The following LEO1 variants were observed in gnomAD, a reference collection of about 807,000 sequenced individuals.
LEO1 encodes the protein LEO1 component of Paf1/RNA polymerase II complex.
Under a neutral mutation model 80.4 loss-of-function variants are expected in LEO1, and 34 were observed. That is an observed-to-expected ratio of 0.42 (90% CI 0.32 to 0.56). The LOEUF is 0.56. Ranked by LOEUF, LEO1 falls within the 20% of genes least tolerant of loss-of-function variation. LEO1 has a pLI of 0.10. For synonymous variants in LEO1, 262 were observed against 274.9 expected, an observed-to-expected ratio of 0.95 and a Z score of 0.46; for missense variants, 631 against 814.2, an observed-to-expected ratio of 0.77 and a Z score of 2.74.
chr15:51,957,842 G>A (rs767945805), intron 6 of LEO1, among the ~76,000 whole-genome samples: 16 of 151,998 alleles, frequency 1.1e-4, no homozygotes, highest in Admixed American at 1.3e-4. Flanking sequence ...CCAACATCGT[G>A]AAACCCTGTC....
chr15:51,961,883 T>C (rs1305991932), intron 3 of LEO1, among the ~76,000 whole-genome samples: 1 of 150,720 alleles, frequency 6.6e-6, no homozygotes, highest in Non-Finnish European at 1.5e-5. Flanking sequence ...ATAAACAGAC[T>C]GGGCGCAGTG....
In LEO1 at chr15:51,969,794, T is replaced by C. The variant is rs906031137; in HGVS notation, c.58+1894A>G. Among the ~76,000 whole-genome samples, 4 of 140,230 alleles carry C rather than the reference T, an allele frequency of 2.9e-5. No homozygotes were observed. The East Asian group carries it at 6.2e-4, about 22-fold the overall frequency. 92.0% of individuals were successfully genotyped at this position (140,230 alleles called of 152,430 possible). A position where few individuals can be genotyped will look rare whatever the true frequency, so the allele number is the denominator to read the frequency against. Reference sequence around the variant, plus strand: ...AGGCGGAGGTTGCAGTGAGCCAAGATTGTACCACTGCACTGCAGCCTGGGA... The same window carrying C: ...AGGCGGAGGTTGCAGTGAGCCAAGACTGTACCACTGCACTGCAGCCTGGGA... On this transcript the variant is annotated intron_variant, in intron 1 of 11. Coordinates refer to ENST00000299601, the MANE Select transcript of LEO1 (RefSeq NM_138792.4).
intron 2 of LEO1, among the ~76,000 whole-genome samples, chr15:51,965,192 C>T (rs2057065132): frequency 6.6e-6 from 1 of 152,214 alleles, no homozygotes; most frequent in African/African-American, 2.4e-5. Context: ...AACTGATCCT[C>T]TTGAAACAAT....
chr15:51,938,906 C>T (rs563602687), intron 11 of LEO1, among the ~76,000 whole-genome samples: 59 of 152,250 alleles, frequency 3.9e-4, no homozygotes, highest in African/African-American at 1.4e-3. Flanking sequence ...TGGGATGGGC[C>T]GGGCATGATG....
intron 6 of LEO1, among the ~76,000 whole-genome samples, chr15:51,958,151 T>G (rs1056708835): frequency 6.6e-6 from 1 of 152,136 alleles, no homozygotes; most frequent in Non-Finnish European, 1.5e-5. Flanking sequence ...CTTGTGCAAC[T>G]CAATTCTAAA....
At chr15:51,952,700 G>A (rs571487672) in intron 8 of LEO1, among the ~76,000 whole-genome samples, 7 of 152,136 alleles carry the variant, frequency 4.6e-5, no homozygotes, top group African/African-American at 1.2e-4. Context: ...CGGGGCCTAC[G>A]GCACTGAGAT....
chr15:51,950,074 G>A, intron 9 of LEO1, 80 bp from the exon 10 acceptor site: 3 of 1,156,506 alleles, frequency 2.6e-6, no homozygotes, highest in Non-Finnish European at 3.6e-6. Flanking sequence ...ATTACAAATA[G>A]CATGTAATGT....
chr15:51,944,955 C>G (rs1369781481), intron 11 of LEO1, among the ~76,000 whole-genome samples: 1 of 152,110 alleles, frequency 6.6e-6, no homozygotes, highest in African/African-American at 2.4e-5. Flanking sequence ...TCTCTCAGCT[C>G]TGCTATGCTA....
At chr15:51,956,378 C>T (rs1190755207) in intron 6 of LEO1, among the ~76,000 whole-genome samples, 1 of 149,578 alleles carries the variant, frequency 6.7e-6, no homozygotes, top group South Asian at 2.1e-4. Context: ...TGAGATTGCG[C>T]CACTGCATTC....
rs1566888452 is a variant in LEO1, at chr15:51,966,361, C to G, written c.202G>C (p.Asp68His). The part of the protein sequence containing the change: ...NKELFGDDSE[D>H]EGASHHSGSD... ...CCACTATGATGTGAAGCTCCCTCGT[C>G]CTCACTGTCATCTCCAAACAGTTCC... The change falls in exon 2 of 12, where the codon GAC (aspartate) becomes CAC (histidine). Residue 68 changes from aspartate (D) to histidine (H), a missense_variant. Around this residue, in one of 4 missense-constraint regions of LEO1, gnomAD observed 394 missense variants for 395.6 expected, o/e 1.00. Transcript: ENST00000299601. 6.2e-7 allele frequency: 1 copy of G among 1,614,170 alleles called. No individual in the cohort carries two copies. Among genetic ancestry groups the G allele is most frequent in the East Asian group, 2.2e-5 (1 of 44,886 alleles).
At chr15:51,969,048 A>G (rs2057101340) in intron 1 of LEO1, among the ~76,000 whole-genome samples, 2 of 152,026 alleles carry the variant, frequency 1.3e-5, no homozygotes, top group Admixed American at 1.3e-4. Context: ...GGCTCACTGC[A>G]ACCTCTGCCT....
Position 51,951,892 on chromosome 15 carries a change from C to A in LEO1, c.1563G>T (p.Leu521Phe). 6.2e-7 allele frequency: 1 copy of A among 1,613,862 alleles called. No individual in the cohort carries two copies. The highest frequency in any genetic ancestry group is 8.5e-7 in the Non-Finnish European group (1 of 1,179,766). Residue 521 changes from leucine to phenylalanine, a missense_variant, in exon 9 of 12, where the codon TTG (leucine) becomes TTT (phenylalanine). By Grantham distance (22) the Leu-to-Phe change is conservative (BLOSUM62 0). Coordinates refer to ENST00000299601, the MANE Select transcript of LEO1 (RefSeq NM_138792.4). ...RCSKTQKIRI[L>F]PMAGRDPECQ... is the part of the protein sequence containing the mutation. The stretch of plus-strand genomic sequence containing the variant: ...ATTCAGGATCACGACCAGCCATTGG[C>A]AAGATTCTAATCTTCTGTGTCTTTG...
chr15:51,940,574 GGCCT>G (rs2141736375), intron 11 of LEO1, among the ~76,000 whole-genome samples: 1 of 148,442 alleles, frequency 6.7e-6, no homozygotes, highest in East Asian at 2.0e-4. Context: ...AAAAAAAAAA[GGCCT>G]GCCAAGGACT....
chr15:51,966,516 T>TA lies in LEO1; in HGVS notation c.59-13dup. On this transcript the variant is annotated splice_polypyrimidine_tract_variant and intron_variant, in intron 1 of 11. Transcript: ENST00000299601. ...TCCAGAATCAGAATCTATGGGGTCATATAAACATAGGATAACATAAGCAAA... is the reference window on the plus strand; with the variant it reads ...TCCAGAATCAGAATCTATGGGGTCATAATAAACATAGGATAACATAAGCAAA... 2 of 1,475,190 alleles carry TA rather than the reference T, an allele frequency of 1.4e-6. No homozygotes were observed. The highest frequency in any genetic ancestry group is 1.9e-6 in the Non-Finnish European group (2 of 1,064,300). The allele number at this position is 1,475,190 out of a possible 1,614,324, so 91.4% of individuals were successfully genotyped here. A position where few individuals can be genotyped will look rare whatever the true frequency, so the allele number is the denominator to read the frequency against.
At chr15:51,959,106 G>T (rs1339664595) in intron 5 of LEO1, among the ~76,000 whole-genome samples, 5 of 151,502 alleles carry the variant, frequency 3.3e-5, no homozygotes. Context: ...AGGTTCAAGC[G>T]ATTCTCCTGC....
At position 51,938,202 on chromosome 15, in the gene LEO1, T is replaced by A; in HGVS notation, c.1955A>T (p.His652Leu). ...TTCATCGCTGATCACATACTTCTTA[T>A]GCTTTTTATTTGCTTTATCATCATC... Reference protein sequence around the residue: ...AEDDDKANKKHKKYVISDEEE... With the variant: ...AEDDDKANKKLKKYVISDEEE... Residue 652 changes from histidine (H) to leucine (L), a missense_variant, in exon 12 of 12, where the codon CAT (histidine) becomes CTT (leucine). This residue lies in a region of LEO1 where 117 missense variants were observed against 163.5 expected (regional missense o/e 0.72). Coordinates refer to ENST00000299601, the MANE Select transcript of LEO1 (RefSeq NM_138792.4). The A allele has an allele frequency of 6.2e-7, 1 of 1,611,102 alleles. No homozygotes were observed. The highest frequency in any genetic ancestry group is 2.2e-5 in the East Asian group (1 of 44,856).
At chr15:51,953,043 A>G (rs1488362297) in intron 8 of LEO1, 86 bp downstream of exon 8, 8 of 1,105,832 alleles carry the variant, frequency 7.2e-6, no homozygotes, top group Non-Finnish European at 9.3e-6. Flanking sequence ...GTGGGGTTAC[A>G]TCAATCAGGT....
At chr15:51,964,737 G>A (rs2057061407) in intron 2 of LEO1, among the ~76,000 whole-genome samples, 1 of 152,054 alleles carries the variant, frequency 6.6e-6, no homozygotes, top group Admixed American at 6.6e-5. Flanking sequence ...TAAGAAGATA[G>A]GATCAAAATA....
intron 3 of LEO1, among the ~76,000 whole-genome samples, 190 bp downstream of exon 3, chr15:51,962,199 C>G (rs997342751): frequency 6.6e-6 from 1 of 151,410 alleles, no homozygotes; most frequent in Admixed American, 6.6e-5. Context: ...GAGGCAGGTT[C>G]TTCTTCAACT....
Sources: gnomAD v4.1 joint callset for allele counts (sites outside exome capture counted in the v4.1 genomes callset) on GRCh38, gnomAD v4.1.1 for gene constraint, gnomAD v4.1.1 regional missense constraint, MANE v1.5 for transcripts, NCBI Gene and HGNC (gene_info 2026-07-23, HGNC 2026-07-21) for gene names.